Variants in CERKL observed in about 807,000 individuals in gnomAD.
CERKL encodes CERK like autophagy regulator.
Under a neutral mutation model 63.4 loss-of-function variants are expected in CERKL, and 61 were observed. The ratio of observed to expected loss-of-function variants is 0.96; its 90% CI spans 0.78 to 1.19. CERKL has a LOEUF of 1.19. CERKL is among the 50% of genes most tolerant of loss of function. CERKL has a pLI of 0.00. For missense variants in CERKL, 675 were observed against 655.5 expected (o/e 1.03, Z -0.33); for synonymous variants, 250 against 230.5 (o/e 1.08, Z -0.77).
chr2:181,649,028 C>G (rs1327708911), intron 1 of CERKL, among the ~76,000 whole-genome samples: 1 of 151,880 alleles, frequency 6.6e-6, no homozygotes, highest in African/African-American at 2.4e-5. Flanking sequence ...TACAAGACAA[C>G]CAGAAAACAA....
chr2:181,632,607 C>T (rs1394413385), intron 1 of CERKL, among the ~76,000 whole-genome samples: 1 of 152,168 alleles, frequency 6.6e-6, no homozygotes, highest in Non-Finnish European at 1.5e-5. Context: ...CCACGATAGG[C>T]AAAACTTACT....
intron 1 of CERKL, among the ~76,000 whole-genome samples, chr2:181,610,659 C>T (rs1216457394): frequency 3.3e-5 from 5 of 152,030 alleles, no homozygotes; most frequent in Non-Finnish European, 5.9e-5. Context: ...GGATCTGATC[C>T]TGCTTTTATT....
intron 1 of CERKL, among the ~76,000 whole-genome samples, chr2:181,632,557 C>G (rs1203591440): frequency 6.6e-6 from 1 of 152,144 alleles, no homozygotes; most frequent in African/African-American, 2.4e-5. Flanking sequence ...ATACCAAGCA[C>G]CATACAAAGT....
At chr2:181,545,661 G>A (rs1687694932) in intron 10 of CERKL, among the ~76,000 whole-genome samples, 1 of 152,054 alleles carries the variant, frequency 6.6e-6, no homozygotes, top group African/African-American at 2.4e-5. Context: ...TTGTTCAAAG[G>A]CACACAGAGA....
At chr2:181,591,568 T>G (rs1684991687) in intron 2 of CERKL, among the ~76,000 whole-genome samples, 1 of 152,134 alleles carries the variant, frequency 6.6e-6, no homozygotes, top group African/African-American at 2.4e-5. Flanking sequence ...TTTCAGCAAG[T>G]TTATTTTTCT....
intron 4 of CERKL, among the ~76,000 whole-genome samples, chr2:181,559,505 G>A (rs577295558): frequency 6.6e-6 from 1 of 152,160 alleles, no homozygotes; most frequent in East Asian, 1.9e-4. Flanking sequence ...GGGCTACAAG[G>A]GCCCAGCAGG....
At chr2:181,545,639 A>G (rs1687693296) in intron 10 of CERKL, among the ~76,000 whole-genome samples, 1 of 152,184 alleles carries the variant, frequency 6.6e-6, no homozygotes, top group African/African-American at 2.4e-5. Context: ...GACAACTCCA[A>G]GTTTAAGTGA....
chr2:181,620,963 A>G (rs1256253367), intron 1 of CERKL, among the ~76,000 whole-genome samples: 1 of 152,236 alleles, frequency 6.6e-6, no homozygotes. Flanking sequence ...CAATTTTAAT[A>G]TAGCTTATAA....
At chr2:181,596,401 T>C (rs1247699054) in intron 2 of CERKL, among the ~76,000 whole-genome samples, 1 of 152,208 alleles carries the variant, frequency 6.6e-6, no homozygotes, top group Non-Finnish European at 1.5e-5. Flanking sequence ...CTGATGTTAC[T>C]TATCCCAAGT....
At chr2:181,595,400 T>C (rs1000137608) in intron 2 of CERKL, among the ~76,000 whole-genome samples, 13 of 152,164 alleles carry the variant, frequency 8.5e-5, no homozygotes, top group African/African-American at 2.2e-4. Context: ...TTCTGAATCA[T>C]CATGATTAGA....
chr2:181,639,543 A>G (rs1687330667), intron 1 of CERKL, among the ~76,000 whole-genome samples: 1 of 152,218 alleles, frequency 6.6e-6, no homozygotes, highest in African/African-American at 2.4e-5. Flanking sequence ...TGATGATGGA[A>G]CTGTCTTAAA....
chr2:181,617,318 C>T (rs754925362), intron 1 of CERKL: 18 of 152,156 alleles, frequency 1.2e-4, no homozygotes, highest in Non-Finnish European at 2.5e-4. Flanking sequence ...TCATTTCAGT[C>T]GCAGCTGAAC....
intron 1 of CERKL, among the ~76,000 whole-genome samples, chr2:181,637,663 G>C (rs1465689885): frequency 1.3e-5 from 2 of 152,032 alleles, no homozygotes; most frequent in East Asian, 3.9e-4. Flanking sequence ...GCATAGAAGG[G>C]AAACATAAAA....
intron 1 of CERKL, among the ~76,000 whole-genome samples, chr2:181,611,705 G>T (rs750894724): frequency 1.3e-5 from 2 of 152,026 alleles, no homozygotes; most frequent in Non-Finnish European, 2.9e-5. Context: ...AAAATGCCGG[G>T]CTGACTAGAA....
chr2:181,652,605 C>T (rs543039368), intron 1 of CERKL, among the ~76,000 whole-genome samples: 1 of 152,144 alleles, frequency 6.6e-6, no homozygotes, highest in South Asian at 2.1e-4. Flanking sequence ...ACCTCAAAAG[C>T]ATAGACAAAA....
intron 5 of CERKL, 91 bp from the exon 6 acceptor site, chr2:181,549,799 T>C: frequency 1.2e-6 from 1 of 835,256 alleles, no homozygotes; most frequent in Non-Finnish European, 2.1e-6. Flanking sequence ...CATTCTTCAA[T>C]GTTCAGATGA....
chr2:181,650,107 GAGGGAGGAAGGAAGGAAGGAAGGAAGGA>G (rs1687850891), intron 1 of CERKL: 1 of 41,754 alleles, frequency 2.4e-5, no homozygotes, highest in Non-Finnish European at 4.1e-5. Context: ...GGGAGGGAGG[GAGGGAGGAAGGAAGGAAGGAAGGAAGGA>G]AGGAAGGAAG....
At chr2:181,622,511 C>T (rs1686500894) in intron 1 of CERKL, among the ~76,000 whole-genome samples, 1 of 152,306 alleles carries the variant, frequency 6.6e-6, no homozygotes, top group African/African-American at 2.4e-5. Flanking sequence ...TCTTATGCAA[C>T]TGAAGTACCA....
intron 2 of CERKL, among the ~76,000 whole-genome samples, chr2:181,592,608 T>C (rs1685033279): frequency 6.6e-6 from 1 of 152,148 alleles, no homozygotes; most frequent in Non-Finnish European, 1.5e-5. Context: ...AAAATTAGAT[T>C]CTCTCTGCAG....
Sources: allele counts gnomAD v4.1 joint callset (sites outside exome capture counted in the v4.1 genomes callset), GRCh38; gene constraint gnomAD v4.1.1; transcripts MANE v1.5; gene names NCBI Gene and HGNC (gene_info 2026-07-23, HGNC 2026-07-21).